CELSR1: variants seen among roughly 807,000 people sequenced by gnomAD.
CELSR1 encodes adhesion G protein-coupled receptor C1.
In CELSR1, 110 loss-of-function variants were observed where a neutral mutation model predicts 249.1. The ratio of observed to expected loss-of-function variants is 0.44; its 90% CI spans 0.38 to 0.52. The LOEUF is 0.52. Ranked by LOEUF, CELSR1 falls within the 20% of genes least tolerant of loss-of-function variation. The pLI, the probability that CELSR1 is intolerant of heterozygous loss-of-function variation, is 0.00. For missense variants in CELSR1, 4,109 were observed against 4,296.4 expected, an observed-to-expected ratio of 0.96 and a Z score of 1.22; for synonymous variants, 2,113 against 1,900.0, an observed-to-expected ratio of 1.11 and a Z score of -2.92.
chr22:46,475,295 C>T (rs778462189), intron 1 of CELSR1, among the ~76,000 whole-genome samples: 3 of 152,028 alleles, frequency 2.0e-5, no homozygotes, highest in Non-Finnish European at 4.4e-5. Flanking sequence ...GCCTTAAAAA[C>T]GACAGACACC....
At chr22:46,463,168 G>A (rs1245714631) in intron 2 of CELSR1, among the ~76,000 whole-genome samples, 1 of 152,244 alleles carries the variant, frequency 6.6e-6, no homozygotes, top group African/African-American at 2.4e-5. Context: ...AGTCGGGCAG[G>A]GAAAGTGAGT....
In CELSR1 at chr22:46,437,769, C is replaced by A. The variant is rs1406713131; in HGVS notation, c.4406+1420G>T. Among the ~76,000 whole-genome samples, 42 of 143,184 alleles carry A rather than the reference C, an allele frequency of 2.9e-4. No individual in the cohort carries two copies. Among genetic ancestry groups the A allele is most frequent in the African/African-American group, 1.2e-3 (40 of 34,336 alleles). The allele number at this position is 143,184 out of a possible 152,430, so 93.9% of individuals were successfully genotyped here. A position where few individuals can be genotyped will look rare whatever the true frequency, so the allele number is the denominator to read the frequency against. On this transcript the variant is annotated intron_variant, in intron 3 of 34. Coordinates refer to ENST00000674500, the MANE Select transcript of CELSR1 (RefSeq NM_001378328.1). The surrounding 1 kb of genome is among the most constrained non-coding windows in gnomAD (Gnocchi z 4.9). Reference sequence around the variant, plus strand: ...CTCCGTCTCAAAAAAAAAAAAAAAACTGATGGTTCCCAACTGTCGCCCAAA... The same window carrying A: ...CTCCGTCTCAAAAAAAAAAAAAAAAATGATGGTTCCCAACTGTCGCCCAAA...
Position 46,384,481 on chromosome 22 carries a change from G to A in CELSR1, c.6883+62C>T, listed in dbSNP as rs887934252. On this transcript the variant is annotated intron_variant, in intron 20 of 34. Coordinates refer to ENST00000674500, the MANE Select transcript of CELSR1 (RefSeq NM_001378328.1). ...CAGGTCCTGCGATGCCCGCAGCGGG[G>A]CCCTCCCCTCCCTGAACGCTGGGGA... 8.6e-6 allele frequency: 13 copies of A among 1,516,622 alleles called. No homozygotes were observed. In the African/African-American group the frequency reaches 1.7e-4, roughly 20 times the overall value. The allele number at this position is 1,516,622 out of a possible 1,614,324, so 93.9% of individuals were successfully genotyped here. A position where few individuals can be genotyped will look rare whatever the true frequency, so the allele number is the denominator to read the frequency against.
rs778099484 is a variant in CELSR1 at position 46,534,351 on chromosome 22, G to C, written c.2820C>G (p.Asp940Glu). The C allele has an allele frequency of 3.7e-6, 6 of 1,612,886 alleles. No homozygotes were observed. The East Asian group carries it at 1.3e-4, about 36-fold the overall frequency. The stretch of plus-strand genomic sequence containing the variant: ...CACCGGACGTGGGCTCGATGTAGAA[G>C]TCCCCATCGCCGTCGTCCCCACCCT... The part of the protein sequence containing the change: ...TFQGGDDGDG[D>E]FYIEPTSGVI... Residue 940 changes from aspartate (D) to glutamate (E), a missense_variant, in exon 1 of 35, where the codon GAC becomes GAG. Asp to Glu is a conservative substitution (Grantham distance 45). Coordinates refer to ENST00000674500, the MANE Select transcript of CELSR1 (RefSeq NM_001378328.1). The surrounding 1 kb of genome is among the most constrained non-coding windows in gnomAD (Gnocchi z 9.7).
intron 5 of CELSR1, among the ~76,000 whole-genome samples, chr22:46,414,586 C>G (rs1019331618): frequency 6.6e-6 from 1 of 151,944 alleles, no homozygotes; most frequent in Non-Finnish European, 1.5e-5. Flanking sequence ...GCAGGCTAAC[C>G]GTCCACTCTC....
At chr22:46,367,683 A>ACGG in intron 28 of CELSR1, 46 bp downstream of exon 28, 2 of 1,563,842 alleles carry the variant, frequency 1.3e-6, no homozygotes, top group Non-Finnish European at 1.7e-6. Flanking sequence ...CGATGGTGTC[A>ACGG]CGGCGGCCAG....
chr22:46,523,028 G>A (rs1460940064), intron 1 of CELSR1, among the ~76,000 whole-genome samples: 2 of 152,202 alleles, frequency 1.3e-5, no homozygotes, highest in Admixed American at 6.5e-5. Context: ...GATGAAAACC[G>A]CCCTGCAACA....
chr22:46,460,178 A>AACACACACAC (rs544352270), intron 2 of CELSR1, among the ~76,000 whole-genome samples: 17 of 103,040 alleles, frequency 1.6e-4, no homozygotes, highest in African/African-American at 2.6e-4. Flanking sequence ...TCAGTCTCAA[A>AACACACACAC]ACACACACAC....
In CELSR1 at chr22:46,381,464, C is replaced by T. The variant is rs1227250718; in HGVS notation, c.7088+382G>A. Among the ~76,000 whole-genome samples the T allele has an allele frequency of 6.6e-6, 1 of 152,168 alleles. No homozygotes were observed. The highest frequency in any genetic ancestry group is 1.5e-5 in the Non-Finnish European group (1 of 68,038). On this transcript the variant is annotated intron_variant, in intron 21 of 34. Transcript: ENST00000674500. The surrounding 1 kb of genome is among the most constrained non-coding windows in gnomAD (Gnocchi z 6.0). Reference sequence around the variant, plus strand: ...CTTCTGGGACATTCATCCTTTCCAGCCAGGACTAGCTGAGCAGACCTAACC... The same window carrying T: ...CTTCTGGGACATTCATCCTTTCCAGTCAGGACTAGCTGAGCAGACCTAACC...
chr22:46,417,382 C>T lies in CELSR1; in HGVS notation c.4612-5623G>A, dbSNP rs1244367531. On this transcript the variant is annotated intron_variant, in intron 5 of 34. Coordinates refer to ENST00000674500, the MANE Select transcript of CELSR1 (RefSeq NM_001378328.1). This position sits in a 1 kb window ranked among gnomAD's most constrained non-coding sequence, Gnocchi z 4.1. ...GGACAGGACTTTGCCAGAATGCAAACCTCAGACCGAGCTGCTACTTCCTGG... is the reference window on the plus strand; with the variant it reads ...GGACAGGACTTTGCCAGAATGCAAATCTCAGACCGAGCTGCTACTTCCTGG... 1.3e-5 allele frequency among the ~76,000 whole-genome samples: 2 copies of T among 152,232 alleles called. No individual in the cohort carries two copies. The highest frequency in any genetic ancestry group is 2.9e-5 in the Non-Finnish European group (2 of 68,034).
At chr22:46,496,305 C>G (rs568173863) in intron 1 of CELSR1, among the ~76,000 whole-genome samples, 2 of 150,860 alleles carry the variant, frequency 1.3e-5, no homozygotes, top group South Asian at 4.2e-4. Context: ...CAGTGGCTCA[C>G]GCCTGTAATC....
At position 46,402,052 on chromosome 22, in the gene CELSR1, C is replaced by G. The variant is rs1241645485; in HGVS notation, c.5227-2150G>C. Among the ~76,000 whole-genome samples the G allele has an allele frequency of 6.6e-6, 1 of 152,090 alleles. No individual in the cohort carries two copies. The highest frequency in any genetic ancestry group is 2.4e-5 in the African/African-American group (1 of 41,408). ...GCAGTGAACCGAGATCACGCCACCG[C>G]ACTCCAGCCTGGGCGATGGAGCGAG... On this transcript the variant is annotated intron_variant, in intron 9 of 34. Coordinates refer to ENST00000674500, the MANE Select transcript of CELSR1 (RefSeq NM_001378328.1). This position sits in a 1 kb window ranked among gnomAD's most constrained non-coding sequence, Gnocchi z 5.0.
Position 46,535,375 on chromosome 22 carries a change from C to T in CELSR1, c.1796G>A (p.Arg599Gln), listed in dbSNP as rs1186036023. 5 of 1,611,676 alleles carry T rather than the reference C, an allele frequency of 3.1e-6. No individual in the cohort carries two copies. In the African/African-American group the frequency reaches 5.3e-5, roughly 17 times the overall value. Residue 599 changes from arginine (R) to glutamine (Q), a missense_variant, in exon 1 of 35, where the codon CGG becomes CAG. Transcript: ENST00000674500. The stretch of plus-strand genomic sequence containing the variant: ...CGTGTCCACCAGGCGATAGTGCAGC[C>T]GGGCGTTCTCTCCAGAGTCCGCGTC... The part of the protein sequence containing the change: ...AVDADSGENA[R>Q]LHYRLVDTAS...
At position 46,423,115 on chromosome 22, in the gene CELSR1, C is replaced by T. The variant is rs760316454; in HGVS notation, c.4611+10278G>A. Among the ~76,000 whole-genome samples the T allele has an allele frequency of 6.6e-6, 1 of 152,144 alleles. No individual in the cohort carries two copies. Among genetic ancestry groups the T allele is most frequent in the Admixed American group, 6.5e-5 (1 of 15,284 alleles). ...CTGGAAAGCACCGTGCACTGGGACTCGCCCTCTCTGGCTGCTAGGAACCCC... is the reference window on the plus strand; with the variant it reads ...CTGGAAAGCACCGTGCACTGGGACTTGCCCTCTCTGGCTGCTAGGAACCCC... On this transcript the variant is annotated intron_variant, in intron 5 of 34. Transcript: ENST00000674500. This position sits in a 1 kb window ranked among gnomAD's most constrained non-coding sequence, Gnocchi z 5.6.
chr22:46,397,605 G>GC (rs1032122868), intron 12 of CELSR1, 69 bp downstream of exon 12: 46 of 1,334,906 alleles, frequency 3.4e-5, no homozygotes, highest in African/African-American at 1.4e-4. Flanking sequence ...TCTAAACTGA[G>GC]CCCCCCTCCT....
rs533557844 is a variant in CELSR1 at position 46,410,076 on chromosome 22, G to A, written c.4934-196C>T. On this transcript the variant is annotated intron_variant, in intron 7 of 34. Transcript: ENST00000674500. This position sits in a 1 kb window ranked among gnomAD's most constrained non-coding sequence, Gnocchi z 6.8. ...GAACGCACTGACCACATTTGGAGAC[G>A]CTGGGACGCCAGGCCATCACGGCAG... Among the ~76,000 whole-genome samples the A allele has an allele frequency of 8.2e-4, 125 of 152,340 alleles. No individual in the cohort carries two copies. Among genetic ancestry groups the A allele is most frequent in the Non-Finnish European group, 1.4e-3 (97 of 68,018 alleles).
In CELSR1 at chr22:46,440,455, T is replaced by C. The variant is rs1209396438; in HGVS notation, c.4184-1044A>G. On this transcript the variant is annotated intron_variant, in intron 2 of 34. Coordinates refer to ENST00000674500, the MANE Select transcript of CELSR1 (RefSeq NM_001378328.1). This position sits in a 1 kb window ranked among gnomAD's most constrained non-coding sequence, Gnocchi z 4.7. Reference sequence around the variant, plus strand: ...ACCTCGTGATCCGCCTGCCTTGGCCTCCCAAAGTGCTGGGATTACAGGCGT... The same window carrying C: ...ACCTCGTGATCCGCCTGCCTTGGCCCCCCAAAGTGCTGGGATTACAGGCGT... 6.6e-6 allele frequency among the ~76,000 whole-genome samples: 1 copy of C among 152,220 alleles called. No individual in the cohort carries two copies. Among genetic ancestry groups the C allele is most frequent in the Non-Finnish European group, 1.5e-5 (1 of 68,044 alleles).
intron 5 of CELSR1, among the ~76,000 whole-genome samples, chr22:46,431,548 C>T (rs1056878783): frequency 2.0e-5 from 3 of 152,200 alleles, no homozygotes; most frequent in African/African-American, 7.2e-5. Flanking sequence ...TCTCCAGGGT[C>T]CCCTGTGGCC....
In CELSR1 at chr22:46,364,607, TCGCGGTGCAGCTCCA is replaced by T; in HGVS notation, c.8669_8683del (p.Val2890_Arg2894del). Reference sequence around the variant, plus strand: ...CTCTCCACGGTGACTGCCCTGCTCCTCGCGGTGCAGCTCCACGCTGACCTTGGTCTCCACCTTCAG... The same window carrying T: ...CTCTCCACGGTGACTGCCCTGCTCCTCGCTGACCTTGGTCTCCACCTTCAG... On this transcript the variant is annotated inframe_deletion, in exon 33 of 35. Transcript: ENST00000674500. 1 of 1,612,692 alleles carries T rather than the reference TCGCGGTGCAGCTCCA, an allele frequency of 6.2e-7. No individual in the cohort carries two copies. The highest frequency in any genetic ancestry group is 8.5e-7 in the Non-Finnish European group (1 of 1,179,894).
Sources: gnomAD v4.1 joint callset for allele counts (sites outside exome capture counted in the v4.1 genomes callset) on GRCh38, gnomAD v4.1.1 for gene constraint, Gnocchi (gnomAD v3.1) non-coding constraint, MANE v1.5 for transcripts, NCBI Gene and HGNC (gene_info 2026-07-23, HGNC 2026-07-21) for gene names.